The following BBS9 variants were observed in gnomAD, a reference collection of about 807,000 sequenced individuals.
The protein encoded by BBS9 is protein PTHB1.
Under a neutral mutation model 117.7 loss-of-function variants are expected in BBS9, and 89 were observed. The observed-to-expected ratio is 0.76, with a 90% CI of 0.64 to 0.90. BBS9 has a LOEUF of 0.90. Among genes scored for constraint, BBS9 ranks in the 40% least tolerant of loss-of-function variants. BBS9 has a pLI of 0.00. For missense variants in BBS9, 982 were observed against 1,042.2 expected (o/e 0.94, Z 0.80); for synonymous variants, 379 against 370.9 (o/e 1.02, Z -0.25).
chr7:33,212,180 T>A (rs565211511), intron 5 of BBS9, among the ~76,000 whole-genome samples: 1 of 152,330 alleles, frequency 6.6e-6, no homozygotes, highest in South Asian at 2.1e-4. Flanking sequence ...CCTCTCTACC[T>A]CCTCATCAAG....
chr7:33,583,314 TGATA>T (rs972852560), intron 21 of BBS9, among the ~76,000 whole-genome samples: 2 of 152,104 alleles, frequency 1.3e-5, no homozygotes, highest in South Asian at 2.1e-4. Flanking sequence ...GATAGATCCA[TGATA>T]GATAGATAAA....
chr7:33,461,364 A>G (rs955585448), intron 19 of BBS9, among the ~76,000 whole-genome samples: 2 of 152,064 alleles, frequency 1.3e-5, no homozygotes, highest in African/African-American at 4.8e-5. Context: ...TATGTTCATT[A>G]TCAAAATCAA....
rs188307478 is a variant in BBS9, at chr7:33,538,030, A to G, written c.2521+3854A>G. Reference sequence around the variant, plus strand: ...AGCTTGGAGAGCAAATGCTGTAGGCACCACAGCAGGGCAGGCATAGAAAGC... The same window carrying G: ...AGCTTGGAGAGCAAATGCTGTAGGCGCCACAGCAGGGCAGGCATAGAAAGC... On this transcript the variant is annotated intron_variant, in intron 21 of 22. Transcript: ENST00000242067. Among the ~76,000 whole-genome samples, 6 of 152,336 alleles carry G rather than the reference A, an allele frequency of 3.9e-5. No homozygotes were observed. In the South Asian group the frequency reaches 8.3e-4, roughly 21 times the overall value.
intron 19 of BBS9, among the ~76,000 whole-genome samples, chr7:33,424,635 G>A (rs552418046): frequency 8.1e-4 from 124 of 152,216 alleles, no homozygotes; most frequent in Admixed American, 3.1e-3. Flanking sequence ...AAAAGCACAT[G>A]TAATAAGACT....
At chr7:33,430,797 T>C (rs1238752925) in intron 19 of BBS9, among the ~76,000 whole-genome samples, 4 of 152,204 alleles carry the variant, frequency 2.6e-5, no homozygotes, top group Non-Finnish European at 2.9e-5. Flanking sequence ...CATGTCTGCC[T>C]CTCCCTTGTT....
At chr7:33,187,612 G>A (rs746101603) in intron 5 of BBS9, among the ~76,000 whole-genome samples, 1 of 152,174 alleles carries the variant, frequency 6.6e-6, no homozygotes, top group Non-Finnish European at 1.5e-5. Context: ...TCTTGGAATA[G>A]ACAGATAAGG....
At chr7:33,503,865 C>T (rs1240369498) in intron 19 of BBS9, among the ~76,000 whole-genome samples, 1 of 152,048 alleles carries the variant, frequency 6.6e-6, no homozygotes, top group African/African-American at 2.4e-5. Flanking sequence ...TCCATCTTTT[C>T]GAGGGGACTT....
chr7:33,518,407 C>T (rs992707020), intron 20 of BBS9, among the ~76,000 whole-genome samples: 19 of 151,966 alleles, frequency 1.3e-4, no homozygotes, highest in African/African-American at 3.4e-4. Context: ...TGCGCCACTA[C>T]GCCCAGCTAA....
chr7:33,161,280 C>T (rs910384288), intron 4 of BBS9, among the ~76,000 whole-genome samples: 5 of 152,074 alleles, frequency 3.3e-5, no homozygotes, highest in African/African-American at 1.2e-4. Context: ...TGCACCCCAC[C>T]CCACGACAGG....
chr7:33,460,565 C>T (rs1839318259), intron 19 of BBS9, among the ~76,000 whole-genome samples: 1 of 151,858 alleles, frequency 6.6e-6, no homozygotes, highest in African/African-American at 2.4e-5. Context: ...AAGAAAAATA[C>T]AAGCAAAATA....
chr7:33,314,796 G>T (rs1432191702), intron 9 of BBS9, among the ~76,000 whole-genome samples: 4 of 152,140 alleles, frequency 2.6e-5, no homozygotes, highest in Admixed American at 6.5e-5. Flanking sequence ...GCACAAAAAT[G>T]CAATAACATT....
downstream of BBS9, among the ~76,000 whole-genome samples, chr7:33,609,888 C>T (rs1417162689): frequency 3.9e-5 from 6 of 152,084 alleles, no homozygotes; most frequent in African/African-American, 1.4e-4. Context: ...CTGTAATCCA[C>T]ATAAATATAT....
At chr7:33,191,419 A>G (rs1156921607) in intron 5 of BBS9, among the ~76,000 whole-genome samples, 1 of 152,208 alleles carries the variant, frequency 6.6e-6, no homozygotes, top group Non-Finnish European at 1.5e-5. Flanking sequence ...TTAATGAAAG[A>G]GAGTGAAATA....
chr7:33,561,783 G>A (rs1856118904), intron 21 of BBS9, among the ~76,000 whole-genome samples: 1 of 152,194 alleles, frequency 6.6e-6, no homozygotes, highest in Non-Finnish European at 1.5e-5. Flanking sequence ...ACAGGACAAT[G>A]TCATGGTAAG....
intron 6 of BBS9, among the ~76,000 whole-genome samples, chr7:33,258,285 A>C (rs17170145): frequency 6.6e-6 from 1 of 151,998 alleles, no homozygotes; most frequent in Non-Finnish European, 1.5e-5. Context: ...CCACATCATT[A>C]TTCCCAAGAT....
intron 20 of BBS9, among the ~76,000 whole-genome samples, chr7:33,513,245 T>C (rs1847237549): frequency 6.6e-6 from 1 of 152,194 alleles, no homozygotes. Flanking sequence ...TACCCTTCCA[T>C]CTATTCTCTA....
At chr7:33,364,429 C>T (rs1821255602) in intron 16 of BBS9, among the ~76,000 whole-genome samples, 1 of 152,050 alleles carries the variant, frequency 6.6e-6, no homozygotes, top group South Asian at 2.1e-4. Context: ...ATTTATACTT[C>T]TCTCCAGATT....
chr7:33,474,430 A>G (rs1841512576), intron 19 of BBS9, among the ~76,000 whole-genome samples: 1 of 152,184 alleles, frequency 6.6e-6, no homozygotes, highest in Non-Finnish European at 1.5e-5. Flanking sequence ...TTATTACTCA[A>G]GTAATACAGC....
rs1362253814 is a variant in BBS9 at position 33,344,755 on chromosome 7, G to A, written c.1329+121G>A. On this transcript the variant is annotated intron_variant, in intron 12 of 22. Transcript: ENST00000242067. ...GTAAAATAAACACTTGGCATTTGTAGATTTTTCCCCAGCCTTGAGTAGTGA... is the reference window on the plus strand; with the variant it reads ...GTAAAATAAACACTTGGCATTTGTAAATTTTTCCCCAGCCTTGAGTAGTGA... 6.6e-6 allele frequency: 7 copies of A among 1,058,346 alleles called. No individual in the cohort carries two copies. The African/African-American group carries it at 1.1e-4, about 17-fold the overall frequency. 65.6% of individuals were successfully genotyped at this position (1,058,346 alleles called of 1,614,324 possible).
Sources: gnomAD v4.1 joint callset for allele counts (sites outside exome capture counted in the v4.1 genomes callset) on GRCh38, gnomAD v4.1.1 for gene constraint, MANE v1.5 for transcripts, NCBI Gene and HGNC (gene_info 2026-07-23, HGNC 2026-07-21) for gene names.